MED27: variants seen among roughly 807,000 people sequenced by gnomAD.
MED27 encodes the protein mediator of RNA polymerase II transcription subunit 27.
Under a neutral mutation model 38.2 loss-of-function variants are expected in MED27, and 30 were observed. The observed-to-expected ratio is 0.79, with a 90% CI of 0.59 to 1.07. The LOEUF (loss-of-function observed/expected upper bound fraction) is 1.07. Ranked by LOEUF, MED27 falls within the 50% of genes least tolerant of loss-of-function variation. The probability of loss-of-function intolerance (pLI) is 0.00; values close to 1 mark genes in which losing one functional copy is unlikely to be tolerated. For missense variants in MED27, 289 were observed against 397.5 expected (o/e 0.73, Z 2.32); for synonymous variants, 122 against 153.5 (o/e 0.79, Z 1.52).
intron 2 of MED27, among the ~76,000 whole-genome samples, chr9:132,061,808 A>G (rs1833703094): frequency 6.6e-6 from 1 of 152,256 alleles, no homozygotes; most frequent in Non-Finnish European, 1.5e-5. Context: ...TAAAATAAAC[A>G]TAAGGTATTT....
intron 3 of MED27, among the ~76,000 whole-genome samples, chr9:131,960,709 G>A (rs1318167225): frequency 6.6e-6 from 1 of 152,182 alleles, no homozygotes; most frequent in South Asian, 2.1e-4. Flanking sequence ...CGTATGTACA[G>A]AAGATGAATA....
intron 3 of MED27, among the ~76,000 whole-genome samples, chr9:132,012,909 C>G (rs1832515585): frequency 6.6e-6 from 1 of 152,168 alleles, no homozygotes; most frequent in African/African-American, 2.4e-5. Flanking sequence ...TAAATATTTG[C>G]TAACCAAACA....
intron 3 of MED27, among the ~76,000 whole-genome samples, chr9:131,991,960 A>G (rs1292586535): frequency 1.3e-5 from 2 of 152,156 alleles, no homozygotes; most frequent in African/African-American, 4.8e-5. Flanking sequence ...TGACCTCGTG[A>G]TCTGCCTGCC....
At chr9:132,073,420 G>A (rs1203951269) in intron 2 of MED27, 5 of 1,081,540 alleles carry the variant, frequency 4.6e-6, no homozygotes, top group East Asian at 5.4e-5. Context: ...TGTACCAGGC[G>A]CCTTGCTAGT....
At chr9:132,002,397 C>T (rs1832255758) in intron 3 of MED27, among the ~76,000 whole-genome samples, 1 of 152,152 alleles carries the variant, frequency 6.6e-6, no homozygotes, top group Admixed American at 6.5e-5. Context: ...AAAATCTGTT[C>T]TGCCCTAAAA....
chr9:131,879,357 C>A lies in MED27; in HGVS notation c.723+4701G>T, dbSNP rs141625887. Among the ~76,000 whole-genome samples, 1,183 of 152,348 alleles carry A rather than the reference C, an allele frequency of 7.8e-3. 13 individuals carry two copies. Among genetic ancestry groups the A allele is most frequent in the African/African-American group, 0.027 (1,128 of 41,568 alleles). On this transcript the variant is annotated intron_variant, in intron 6 of 7. Transcript: ENST00000292035. The stretch of plus-strand genomic sequence containing the variant: ...CTGCTTTCCGAGTTCTGCTTTCCCT[C>A]GTTCTGGGCTGGCCACAGCTGCTTC...
intron 6 of MED27, 26 bp downstream of exon 6, chr9:131,884,032 A>G (rs1240811602): frequency 6.2e-7 from 1 of 1,603,890 alleles, no homozygotes; most frequent in Non-Finnish European, 8.5e-7. Context: ...ATGCCGCTTG[A>G]GTAAGAAGCA....
At chr9:131,931,594 T>C (rs1360893938) in intron 4 of MED27, among the ~76,000 whole-genome samples, 1 of 152,130 alleles carries the variant, frequency 6.6e-6, no homozygotes, top group South Asian at 2.1e-4. Context: ...GCAAGACCCA[T>C]TGATCTGTTG....
rs553538753 is a variant in MED27, at chr9:131,867,160, G to A, written c.724-4020C>T. Among the ~76,000 whole-genome samples, 3 of 152,368 alleles carry A rather than the reference G, an allele frequency of 2.0e-5. No individual in the cohort carries two copies. In the East Asian group the frequency reaches 5.8e-4, roughly 29 times the overall value. ...CCTGATGCAGAGGTCCTCAGGTCAT[G>A]TGTGCAGACGGTGAGAAGGACCGCC... On this transcript the variant is annotated intron_variant, in intron 6 of 7. Transcript: ENST00000292035.
intron 3 of MED27, among the ~76,000 whole-genome samples, chr9:131,950,734 A>C (rs6597539): frequency 0.34 from 51,576 of 152,078 alleles, 9,062 homozygotes; most frequent in African/African-American, 0.43. Context: ...TAAGTTTGAT[A>C]GTCATTCATC....
rs1340844976 is a variant in MED27, at chr9:131,945,285, TTTTG to T, written c.480-5815_480-5812del. On this transcript the variant is annotated intron_variant, in intron 3 of 7. Transcript: ENST00000292035. The stretch of plus-strand genomic sequence containing the variant: ...TTCTGTGATAGAGCCGCAGGCTAGT[TTTTG>T]TTTATTTATTTTTTAATTGACAAAT... Among the ~76,000 whole-genome samples, 18 of 151,766 alleles carry T rather than the reference TTTTG, an allele frequency of 1.2e-4. No individual in the cohort carries two copies. In the East Asian group the frequency reaches 1.5e-3, roughly 13 times the overall value.
chr9:132,069,605 G>A (rs1833889144), intron 2 of MED27, among the ~76,000 whole-genome samples: 1 of 152,220 alleles, frequency 6.6e-6, no homozygotes, highest in South Asian at 2.1e-4. Flanking sequence ...CATACAAAAA[G>A]GCTGTGTGTA....
At chr9:132,059,766 C>T (rs1213885117) in intron 2 of MED27, among the ~76,000 whole-genome samples, 4 of 152,234 alleles carry the variant, frequency 2.6e-5, no homozygotes, top group African/African-American at 9.6e-5. Context: ...GATACAGGGA[C>T]ATACGACTTC....
chr9:131,938,484 A>G (rs114790960), intron 4 of MED27, among the ~76,000 whole-genome samples: 2,029 of 152,300 alleles, frequency 0.013, 41 homozygotes, highest in African/African-American at 0.045. Flanking sequence ...TGAGGTCTCT[A>G]TGCCTTCCTA....
rs1006684523 is a variant in MED27 at position 131,913,912 on chromosome 9, T to C, written c.574-19920A>G. 7.9e-5 allele frequency among the ~76,000 whole-genome samples: 12 copies of C among 151,748 alleles called. No homozygotes were observed. The highest frequency in any genetic ancestry group is 1.5e-4 in the Non-Finnish European group (10 of 67,978). On this transcript the variant is annotated intron_variant, in intron 4 of 7. Transcript: ENST00000292035. The surrounding 1 kb of genome is among the most constrained non-coding windows in gnomAD (Gnocchi z 4.5). ...AATGGCACAACCAAAACTCAAACTTTAATTCCTCTAGCGCTTGCTTGTACC... is the reference window on the plus strand; with the variant it reads ...AATGGCACAACCAAAACTCAAACTTCAATTCCTCTAGCGCTTGCTTGTACC...
At chr9:131,961,571 T>C (rs1016071036) in intron 3 of MED27, among the ~76,000 whole-genome samples, 1 of 152,238 alleles carries the variant, frequency 6.6e-6, no homozygotes, top group Non-Finnish European at 1.5e-5. Flanking sequence ...CCCTGGGAAA[T>C]AGTGTTTTTC....
intron 2 of MED27, among the ~76,000 whole-genome samples, chr9:132,070,863 C>CA (rs1426969178): frequency 6.6e-6 from 1 of 151,882 alleles, no homozygotes; most frequent in East Asian, 1.9e-4. Context: ...AACTGCCCCC[C>CA]ACACACTAAT....
intron 4 of MED27, among the ~76,000 whole-genome samples, chr9:131,936,147 A>G (rs567948250): frequency 2.0e-4 from 30 of 150,562 alleles, no homozygotes; most frequent in Middle Eastern, 3.5e-3. Context: ...AAAAAAAAAA[A>G]AAAGAAAGAA....
chr9:132,069,615 A>G (rs150965087), intron 2 of MED27, among the ~76,000 whole-genome samples: 1 of 152,234 alleles, frequency 6.6e-6, no homozygotes, highest in Non-Finnish European at 1.5e-5. Context: ...GGCTGTGTGT[A>G]CTTCAGAAAC....
Sources: allele counts gnomAD v4.1 joint callset (sites outside exome capture counted in the v4.1 genomes callset), GRCh38; gene constraint gnomAD v4.1.1; non-coding constraint Gnocchi (gnomAD v3.1); transcripts MANE v1.5; gene names NCBI Gene and HGNC (gene_info 2026-07-23, HGNC 2026-07-21).